NEGR1: variants seen among roughly 807,000 people sequenced by gnomAD.
The protein encoded by NEGR1 is IgLON family member 4.
Under a neutral mutation model 40.9 loss-of-function variants are expected in NEGR1, and 10 were observed. The observed-to-expected ratio is 0.24, with a 90% confidence interval of 0.15 to 0.42. The LOEUF (loss-of-function observed/expected upper bound fraction) is 0.42. Ranked by LOEUF, NEGR1 falls within the 10% of genes least tolerant of loss-of-function variation. The pLI is 1.00. For missense variants in NEGR1, 352 were observed against 438.9 expected (o/e 0.80, Z 1.77); for synonymous variants, 185 against 166.8 (o/e 1.11, Z -0.84).
In NEGR1 at chr1:71,808,692, G is replaced by T. The variant is rs561001050; in HGVS notation, c.410-32395C>A. Among the ~76,000 whole-genome samples the T allele has an allele frequency of 2.6e-5, 4 of 152,076 alleles. No individual in the cohort carries two copies. In the South Asian group the frequency reaches 8.3e-4, roughly 32 times the overall value. ...AACATGAAAATGAATAGGATTTGTTGCATAATATCTTCCCCCAACTCCTTG... is the reference window on the plus strand; with the variant it reads ...AACATGAAAATGAATAGGATTTGTTTCATAATATCTTCCCCCAACTCCTTG... On this transcript the variant is annotated intron_variant, in intron 2 of 6. Coordinates refer to ENST00000357731, the MANE Select transcript of NEGR1 (RefSeq NM_173808.3).
At chr1:71,759,287 CTTTTTTTTTTTTT>C (rs759687500) in intron 3 of NEGR1, among the ~76,000 whole-genome samples, 7 of 85,220 alleles carry the variant, frequency 8.2e-5, no homozygotes, top group Admixed American at 6.6e-4. Context: ...AAGATTATAA[CTTTTTTTTTTTTT>C]TTTTTTTTTT....
intron 1 of NEGR1, among the ~76,000 whole-genome samples, chr1:72,170,557 T>A (rs1004908205): frequency 1.3e-5 from 2 of 152,112 alleles, no homozygotes; most frequent in African/African-American, 4.8e-5. Flanking sequence ...GCTTTTGGGG[T>A]GATGCTAAGC....
intron 2 of NEGR1, among the ~76,000 whole-genome samples, chr1:71,827,791 T>G (rs1658690361): frequency 6.6e-6 from 1 of 151,770 alleles, no homozygotes; most frequent in Non-Finnish European, 1.5e-5. Flanking sequence ...GAGAGACAGG[T>G]ATGAAAAAAC....
At chr1:71,900,606 G>A (rs533152891) in intron 2 of NEGR1, among the ~76,000 whole-genome samples, 1 of 152,230 alleles carries the variant, frequency 6.6e-6, no homozygotes, top group South Asian at 2.1e-4. Flanking sequence ...AACCAACTAT[G>A]TACTGGAAAA....
At chr1:71,685,964 CA>C (rs11336335) in intron 4 of NEGR1, among the ~76,000 whole-genome samples, 149,632 of 152,200 alleles carry the variant, frequency 0.98, 73,593 homozygotes, top group Middle Eastern at 1. Flanking sequence ...GGTTAATGGC[CA>C]GATGCTATTT....
intron 6 of NEGR1, among the ~76,000 whole-genome samples, chr1:71,473,202 C>A (rs938513447): frequency 2.2e-4 from 34 of 151,900 alleles, no homozygotes. Context: ...ACATTCAATA[C>A]CAGTCAGAAT....
chr1:72,014,165 T>A (rs1646687404), intron 1 of NEGR1, among the ~76,000 whole-genome samples: 1 of 151,888 alleles, frequency 6.6e-6, no homozygotes. Context: ...CGTTTTAAAG[T>A]TATACTTATT....
intron 2 of NEGR1, among the ~76,000 whole-genome samples, chr1:71,824,937 AT>A (rs1399107358): frequency 6.6e-6 from 1 of 151,626 alleles, no homozygotes; most frequent in African/African-American, 2.4e-5. Context: ...TTAGTTTTTG[AT>A]TTTGTGAATT....
intron 1 of NEGR1, among the ~76,000 whole-genome samples, chr1:71,950,409 C>T (rs745612644): frequency 2.6e-5 from 4 of 151,932 alleles, no homozygotes; most frequent in African/African-American, 4.8e-5. Context: ...AAATTGAGTG[C>T]TTTTTGAAAT....
intron 2 of NEGR1, among the ~76,000 whole-genome samples, chr1:71,823,858 T>C (rs544362145): frequency 7.9e-5 from 12 of 152,194 alleles, no homozygotes; most frequent in Admixed American, 2.0e-4. Context: ...GTCAAAGTCA[T>C]ATTTTCAGTG....
rs71074804 is a variant in NEGR1, at chr1:71,759,596, C to CTTTT, written c.535+16572_535+16575dup. Among the ~76,000 whole-genome samples, 230 of 31,962 alleles carry CTTTT rather than the reference C, an allele frequency of 7.2e-3. 84 individuals are homozygous for CTTTT. Among genetic ancestry groups the CTTTT allele is most frequent in the East Asian group, 0.012 (11 of 934 alleles). 21.0% of individuals were successfully genotyped at this position (31,962 alleles called of 152,430 possible). The stretch of plus-strand genomic sequence containing the variant: ...ACAGGCGTGAGCCACTGCGTCCAGG[C>CTTTT]TTTTTTTTTTTTTTTTTTTTTTTTT... On this transcript the variant is annotated intron_variant, in intron 3 of 6. Coordinates refer to ENST00000357731, the MANE Select transcript of NEGR1 (RefSeq NM_173808.3).
intron 1 of NEGR1, among the ~76,000 whole-genome samples, chr1:72,212,151 A>G (rs1653631661): frequency 6.6e-6 from 1 of 152,120 alleles, no homozygotes; most frequent in South Asian, 2.1e-4. Flanking sequence ...TTAGGATTTA[A>G]GTAAACTAAA....
chr1:72,070,968 G>T (rs1331036019), intron 1 of NEGR1, among the ~76,000 whole-genome samples: 1 of 151,898 alleles, frequency 6.6e-6, no homozygotes, highest in Non-Finnish European at 1.5e-5. Flanking sequence ...AAAAGCCCAT[G>T]ACCTAAAGCC....
intron 1 of NEGR1, chr1:72,275,237 A>G (rs1265593432): frequency 3.4e-6 from 2 of 583,072 alleles, no homozygotes; most frequent in African/African-American, 3.7e-5. Flanking sequence ...TTATTTATTC[A>G]TAATGATCTT....
chr1:72,048,023 T>G (rs1647018756), intron 1 of NEGR1, among the ~76,000 whole-genome samples: 1 of 151,590 alleles, frequency 6.6e-6, no homozygotes, highest in Admixed American at 6.6e-5. Context: ...ATGGACCAAC[T>G]ACTCTTTTGA....
At chr1:71,449,585 TA>T (rs1440600501) in intron 6 of NEGR1, among the ~76,000 whole-genome samples, 2 of 152,256 alleles carry the variant, frequency 1.3e-5, no homozygotes, top group Non-Finnish European at 2.9e-5. Context: ...ATTTAAGAAG[TA>T]AATTTTAAGT....
At chr1:71,871,536 T>C (rs1660278295) in intron 2 of NEGR1, among the ~76,000 whole-genome samples, 1 of 152,186 alleles carries the variant, frequency 6.6e-6, no homozygotes, top group Non-Finnish European at 1.5e-5. Flanking sequence ...TCAAAATGTA[T>C]ATTAAGCAGC....
chr1:71,887,869 G>A (rs11209864), intron 2 of NEGR1, among the ~76,000 whole-genome samples: 32,468 of 151,706 alleles, frequency 0.21, 4,261 homozygotes, highest in East Asian at 0.5. Context: ...TTTCCATTTG[G>A]AATTCCTACA....
At chr1:71,988,616 A>G (rs1166806406) in intron 1 of NEGR1, among the ~76,000 whole-genome samples, 2 of 150,674 alleles carry the variant, frequency 1.3e-5, no homozygotes, top group African/African-American at 4.9e-5. Context: ...TAAATTTTTC[A>G]GGTGAGGAAA....
Sources: gnomAD v4.1 joint callset for allele counts (sites outside exome capture counted in the v4.1 genomes callset) on GRCh38, gnomAD v4.1.1 for gene constraint, MANE v1.5 for transcripts, NCBI Gene and HGNC (gene_info 2026-07-23, HGNC 2026-07-21) for gene names.